Variants in DGKB observed in about 807,000 individuals in gnomAD.
DGKB encodes 90 kDa diacylglycerol kinase.
Under a neutral mutation model 114.3 loss-of-function variants are expected in DGKB, and 67 were observed. The ratio of observed to expected loss-of-function variants is 0.59; its 90% CI spans 0.48 to 0.72. DGKB has a LOEUF of 0.72. DGKB is among the 30% of genes least tolerant of loss of function. The pLI, the probability that DGKB is intolerant of heterozygous loss-of-function variation, is 0.00. For synonymous variants in DGKB, 398 were observed against 323.1 expected, an observed-to-expected ratio of 1.23 and a Z score of -2.49; for missense variants, 907 against 975.2, an observed-to-expected ratio of 0.93 and a Z score of 0.93.
intron 5 of DGKB, among the ~76,000 whole-genome samples, chr7:14,723,973 G>T (rs940665678): frequency 3.9e-5 from 6 of 151,906 alleles, no homozygotes; most frequent in Admixed American, 3.3e-4. Flanking sequence ...ATAAGTTTTG[G>T]GTAGCTGTTA....
intron 2 of DGKB, among the ~76,000 whole-genome samples, chr7:14,811,449 G>T (rs991995272): frequency 7.9e-5 from 12 of 152,114 alleles, no homozygotes; most frequent in Admixed American, 6.5e-4. Flanking sequence ...AAATAAGAAA[G>T]ATTACATGCT....
intron 23 of DGKB, among the ~76,000 whole-genome samples, chr7:14,338,022 C>T (rs1184804839): frequency 3.3e-5 from 5 of 151,950 alleles, no homozygotes; most frequent in Non-Finnish European, 1.5e-5. Context: ...AGCAGACAAC[C>T]AAAATTTATC....
chr7:14,787,538 GA>G (rs1400819592), intron 2 of DGKB, among the ~76,000 whole-genome samples: 1 of 152,190 alleles, frequency 6.6e-6, no homozygotes, highest in Non-Finnish European at 1.5e-5. Flanking sequence ...CAGAGGCCAA[GA>G]AGAAAGGGTG....
intron 21 of DGKB, among the ~76,000 whole-genome samples, chr7:14,423,663 C>T (rs1461823011): frequency 6.6e-6 from 1 of 152,028 alleles, no homozygotes; most frequent in Non-Finnish European, 1.5e-5. Context: ...GACTAAAATT[C>T]AGAACAGAAC....
intron 13 of DGKB, among the ~76,000 whole-genome samples, chr7:14,640,225 T>C (rs1811492708): frequency 6.6e-6 from 1 of 152,172 alleles, no homozygotes; most frequent in Non-Finnish European, 1.5e-5. Flanking sequence ...AGGAAATTGA[T>C]ATTTTATTAA....
chr7:14,567,714 G>C (rs554581011), intron 20 of DGKB, among the ~76,000 whole-genome samples: 28 of 149,068 alleles, frequency 1.9e-4, no homozygotes, highest in South Asian at 2.1e-4. Context: ...TCAAGCACTT[G>C]TCCTGCCTCA....
chr7:14,185,328 C>T (rs1783244335), intron 23 of DGKB, among the ~76,000 whole-genome samples: 2 of 152,030 alleles, frequency 1.3e-5, no homozygotes, highest in South Asian at 2.1e-4. Context: ...AAGACCTCTA[C>T]AAGGAAAACT....
intron 23 of DGKB, among the ~76,000 whole-genome samples, chr7:14,195,320 C>T (rs905650576): frequency 6.6e-5 from 10 of 152,082 alleles, no homozygotes; most frequent in South Asian, 4.2e-4. Context: ...ACAAAGCAAG[C>T]GCTCATGAAT....
At chr7:14,857,260 G>GTGTGTGTGTC (rs1554308230) in intron 1 of DGKB, among the ~76,000 whole-genome samples, 2 of 149,182 alleles carry the variant, frequency 1.3e-5, no homozygotes, top group Non-Finnish European at 3.0e-5. Flanking sequence ...GTGTGTGTTT[G>GTGTGTGTGTC]TGTGTGTGTG....
chr7:14,368,171 C>A (rs1216432911), intron 21 of DGKB, among the ~76,000 whole-genome samples: 1 of 151,290 alleles, frequency 6.6e-6, no homozygotes, highest in Non-Finnish European at 1.5e-5. Context: ...CCATCAAAAC[C>A]TTATACCAGA....
chr7:14,800,079 G>A (rs1005235399), intron 2 of DGKB, among the ~76,000 whole-genome samples: 1 of 152,088 alleles, frequency 6.6e-6, no homozygotes, highest in Non-Finnish European at 1.5e-5. Context: ...ACCGCGCCTG[G>A]CTAACTTTTT....
intron 6 of DGKB, among the ~76,000 whole-genome samples, chr7:14,711,692 GT>G (rs1827373686): frequency 6.6e-6 from 1 of 152,000 alleles, no homozygotes; most frequent in Admixed American, 6.6e-5. Flanking sequence ...CTTAGAAAGG[GT>G]GGTGAGTTGG....
intron 13 of DGKB, among the ~76,000 whole-genome samples, chr7:14,637,952 A>G (rs569009789): frequency 2.0e-5 from 3 of 152,234 alleles, no homozygotes; most frequent in East Asian, 3.9e-4. Flanking sequence ...TTGAAGTTCC[A>G]TTCTATAATA....
chr7:14,699,398 G>T (rs752246702), intron 7 of DGKB, among the ~76,000 whole-genome samples: 3 of 151,998 alleles, frequency 2.0e-5, no homozygotes, highest in African/African-American at 7.2e-5. Flanking sequence ...GGACTGTTAC[G>T]TAGGCATGTG....
At chr7:14,257,600 C>T (rs1054460964) in intron 23 of DGKB, among the ~76,000 whole-genome samples, 21 of 152,252 alleles carry the variant, frequency 1.4e-4, no homozygotes, top group African/African-American at 2.9e-4. Flanking sequence ...TGGCTTCATA[C>T]TGGGCTTTTT....
chr7:14,367,507 C>T (rs770307883), intron 21 of DGKB, among the ~76,000 whole-genome samples: 13 of 152,192 alleles, frequency 8.5e-5, no homozygotes, highest in Admixed American at 5.2e-4. Flanking sequence ...TCCCCAGCCA[C>T]ATGGAACTGT....
chr7:14,924,445 G>T (rs1184274531), intron 1 of DGKB, among the ~76,000 whole-genome samples: 1 of 152,096 alleles, frequency 6.6e-6, no homozygotes, highest in East Asian at 1.9e-4. Context: ...TATCTTCAGA[G>T]ATTTCCTCTG....
At chr7:14,285,257 G>A (rs141260773) in intron 23 of DGKB, among the ~76,000 whole-genome samples, 89 of 152,236 alleles carry the variant, frequency 5.8e-4, no homozygotes, top group African/African-American at 2.1e-3. Flanking sequence ...GTGCTACAAA[G>A]TTGAAAAAGA....
intron 13 of DGKB, among the ~76,000 whole-genome samples, chr7:14,657,616 A>G (rs1372594823): frequency 2.0e-5 from 3 of 151,888 alleles, no homozygotes; most frequent in African/African-American, 7.2e-5. Flanking sequence ...AATTTAAAAG[A>G]AGGGTGAAAC....
Sources: allele counts gnomAD v4.1 joint callset (sites outside exome capture counted in the v4.1 genomes callset), GRCh38; gene constraint gnomAD v4.1.1; transcripts MANE v1.5; gene names NCBI Gene and HGNC (gene_info 2026-07-23, HGNC 2026-07-21).